DPP6: variants seen among roughly 807,000 people sequenced by gnomAD.
DPP6 encodes the protein dipeptidyl peptidase like 6, also known as A-type potassium channel modulatory protein DPP6.
A neutral mutation model predicts 122.6 loss-of-function variants in DPP6; 69 were observed. The ratio of observed to expected loss-of-function variants is 0.56; its 90% confidence interval spans 0.46 to 0.69. The LOEUF is 0.69. Among genes scored for constraint, DPP6 ranks in the 30% least tolerant of loss-of-function variants. The probability of loss-of-function intolerance (pLI) is 0.00; values close to 1 mark genes in which losing one functional copy is unlikely to be tolerated. For missense variants in DPP6, 928 were observed against 1,116.9 expected (o/e 0.83, Z 2.41); for synonymous variants, 418 against 433.1 (o/e 0.97, Z 0.43).
intron 1 of DPP6, among the ~76,000 whole-genome samples, chr7:153,917,182 A>G (rs1800364496): frequency 6.6e-6 from 1 of 152,212 alleles, no homozygotes; most frequent in Admixed American, 6.5e-5. Context: ...CTACAGTGTG[A>G]TGAACCAGAC....
the DPP6 span, among the ~76,000 whole-genome samples, chr7:153,822,539 C>T: frequency 8.5e-5 from 13 of 152,062 alleles, no homozygotes; most frequent in Non-Finnish European, 1.5e-4. Context: ...AGCTTCTTCC[C>T]CAAACAGAGT....
the DPP6 span, among the ~76,000 whole-genome samples, chr7:153,852,211 C>T: frequency 0.18 from 28,130 of 152,172 alleles, 2,693 homozygotes; most frequent in South Asian, 0.25. Flanking sequence ...TTCATTCTCT[C>T]TTCCGGCAAT....
At chr7:154,239,035 C>T (rs182425157) in intron 1 of DPP6, among the ~76,000 whole-genome samples, 11 of 152,316 alleles carry the variant, frequency 7.2e-5, no homozygotes, top group African/African-American at 1.9e-4. Context: ...TTCTGGGTGG[C>T]TGGGATGGTA....
At chr7:154,474,660 G>T (rs1302835315) in intron 2 of DPP6, among the ~76,000 whole-genome samples, 1 of 152,150 alleles carries the variant, frequency 6.6e-6, no homozygotes, top group South Asian at 2.1e-4. Context: ...AATCCTGAAA[G>T]AATTATTTAC....
At chr7:154,659,454 A>T (rs1418459283) in intron 6 of DPP6, among the ~76,000 whole-genome samples, 3 of 152,254 alleles carry the variant, frequency 2.0e-5, no homozygotes, top group Non-Finnish European at 2.9e-5. Context: ...TGCATGGTCA[A>T]ATTATTTACC....
chr7:154,331,269 A>G (rs1411228504), intron 1 of DPP6, among the ~76,000 whole-genome samples: 1 of 152,228 alleles, frequency 6.6e-6, no homozygotes, highest in East Asian at 1.9e-4. Context: ...TGTTCTCAGT[A>G]CGCAGGGACT....
chr7:154,739,299 AGTTTGGTGCCC>A (rs1278128907), intron 8 of DPP6, among the ~76,000 whole-genome samples: 1 of 152,182 alleles, frequency 6.6e-6, no homozygotes, highest in Non-Finnish European at 1.5e-5. Context: ...GTGGGCCTCA[AGTTTGGTGCCC>A]AAAGCAGAAG....
At chr7:153,965,879 CA>C (rs59946005) in intron 1 of DPP6, among the ~76,000 whole-genome samples, 37,181 of 151,128 alleles carry the variant, frequency 0.25, 4,755 homozygotes, top group African/African-American at 0.3. Flanking sequence ...TTGCTTTGTA[CA>C]AAAAAAGTTA....
intron 1 of DPP6, among the ~76,000 whole-genome samples, chr7:153,923,760 CAAAAAA>C (rs1158548494): frequency 1.5e-4 from 7 of 46,800 alleles, no homozygotes; most frequent in African/African-American, 5.8e-4. Context: ...GACTCCATCT[CAAAAAA>C]AAAAAAAAAA....
Position 154,260,725 on chromosome 7 carries a change from AATAC to A in DPP6, c.244-185485_244-185482del, listed in dbSNP as rs201617807. Among the ~76,000 whole-genome samples, 1,102 of 147,758 alleles carry A rather than the reference AATAC, an allele frequency of 7.5e-3. 5 individuals carry two copies. The highest frequency in any genetic ancestry group is 0.011 in the Non-Finnish European group (766 of 67,226). Reference sequence around the variant, plus strand: ...TATTATATATATTATGTATATATAAAATACATATATATGTATAATATATATATTA... The same window carrying A: ...TATTATATATATTATGTATATATAAAATATATATGTATAATATATATATTA... On this transcript the variant is annotated intron_variant, in intron 1 of 25. Transcript: ENST00000377770.
intron 4 of DPP6, among the ~76,000 whole-genome samples, chr7:154,553,478 G>A (rs1231721823): frequency 6.6e-6 from 1 of 152,154 alleles, no homozygotes; most frequent in East Asian, 1.9e-4. Context: ...AGTGCTTACG[G>A]TGTGACTAAA....
chr7:154,552,384 C>G (rs1829702101), intron 4 of DPP6, among the ~76,000 whole-genome samples: 1 of 152,174 alleles, frequency 6.6e-6, no homozygotes. Context: ...GATACTCGTT[C>G]TGAGAAAGAC....
chr7:154,599,495 TTA>T (rs1833297991), intron 5 of DPP6, among the ~76,000 whole-genome samples: 1 of 91,502 alleles, frequency 1.1e-5, no homozygotes, highest in African/African-American at 8.5e-5. Flanking sequence ...GGACTTCTTT[TTA>T]TTATTATTAT....
intron 21 of DPP6, chr7:154,885,367 A>C (rs1451337659): frequency 2.3e-6 from 1 of 436,532 alleles, no homozygotes; most frequent in East Asian, 4.6e-5. Context: ...TTGCCTTTCC[A>C]ATTCGCCGTT....
At chr7:154,846,103 T>TA (rs1801922578) in intron 16 of DPP6, among the ~76,000 whole-genome samples, 1 of 152,222 alleles carries the variant, frequency 6.6e-6, no homozygotes, top group Non-Finnish European at 1.5e-5. Flanking sequence ...AACTGCACCA[T>TA]GTCCAGGACA....
At chr7:154,119,185 G>T (rs928563079) in intron 1 of DPP6, among the ~76,000 whole-genome samples, 6 of 152,154 alleles carry the variant, frequency 3.9e-5, no homozygotes, top group Non-Finnish European at 7.3e-5. Context: ...AGCTAGAGCT[G>T]GCCACAGTGA....
chr7:153,824,368 C>G, the DPP6 span, among the ~76,000 whole-genome samples: 508 of 114,852 alleles, frequency 4.4e-3, 5 homozygotes, highest in African/African-American at 0.017. Flanking sequence ...GCCTGGGCAA[C>G]AGAGGGAGAG....
At chr7:154,034,972 A>G (rs1316359203) in intron 1 of DPP6, among the ~76,000 whole-genome samples, 1 of 151,124 alleles carries the variant, frequency 6.6e-6, no homozygotes, top group Non-Finnish European at 1.5e-5. Context: ...AAGCTAAAAC[A>G]TATGCAAAAT....
the DPP6 span, among the ~76,000 whole-genome samples, chr7:153,758,117 C>T: frequency 6.6e-6 from 1 of 152,250 alleles, no homozygotes; most frequent in South Asian, 2.1e-4. Flanking sequence ...AAAATTATGA[C>T]CTCCAGCAAG....
Sources: allele counts gnomAD v4.1 joint callset (sites outside exome capture counted in the v4.1 genomes callset), GRCh38; gene constraint gnomAD v4.1.1; transcripts MANE v1.5; gene names NCBI Gene and HGNC (gene_info 2026-07-23, HGNC 2026-07-21).